The following RANBP2 variants were observed in gnomAD, a reference collection of about 807,000 sequenced individuals.
RANBP2 encodes the protein E3 SUMO-protein ligase RanBP2.
Under a neutral mutation model 303.6 loss-of-function variants are expected in RANBP2, and 57 were observed. The ratio of observed to expected loss-of-function variants is 0.19; its 90% CI spans 0.15 to 0.23. RANBP2 has a LOEUF of 0.23. Among genes scored for constraint, RANBP2 ranks in the 10% least tolerant of loss-of-function variants. The pLI, the probability that RANBP2 is intolerant of heterozygous loss-of-function variation, is 1.00. For missense variants in RANBP2, 3,138 were observed against 3,780.8 expected (o/e 0.83, Z 4.46); for synonymous variants, 1,167 against 1,301.5 (o/e 0.90, Z 2.23).
chr2:109,312,620 C>T, the RANBP2 span, among the ~76,000 whole-genome samples: 65 of 152,326 alleles, frequency 4.3e-4, no homozygotes, highest in African/African-American at 1.4e-3. Flanking sequence ...TAAGTGGAAT[C>T]ATCCGATACA....
the RANBP2 span, among the ~76,000 whole-genome samples, chr2:109,359,494 C>T: frequency 3.3e-5 from 5 of 152,254 alleles, no homozygotes; most frequent in African/African-American, 2.4e-5. Flanking sequence ...TATTTTGTTA[C>T]ACTTATACTT....
At chr2:109,471,662 C>T in the RANBP2 span, among the ~76,000 whole-genome samples, 3 of 152,192 alleles carry the variant, frequency 2.0e-5, no homozygotes, top group Non-Finnish European at 4.4e-5. Flanking sequence ...GCCACCTGCT[C>T]CAGGACACAT....
chr2:109,042,336 TC>T, the RANBP2 span, among the ~76,000 whole-genome samples: 1 of 152,240 alleles, frequency 6.6e-6, no homozygotes, highest in Non-Finnish European at 1.5e-5. Context: ...TGACTTTTTT[TC>T]CTGCAGTTTT....
chr2:108,824,580 G>T, the RANBP2 span, among the ~76,000 whole-genome samples: 1 of 152,088 alleles, frequency 6.6e-6, no homozygotes, highest in Non-Finnish European at 1.5e-5. Context: ...CCTGCCTGAG[G>T]CTGTTTTACA....
chr2:109,200,042 C>A, the RANBP2 span, among the ~76,000 whole-genome samples: 1 of 151,970 alleles, frequency 6.6e-6, no homozygotes, highest in Non-Finnish European at 1.5e-5. Flanking sequence ...GACAGCCCCC[C>A]ACAGAGAAAT....
At chr2:108,880,052 T>C in the RANBP2 span, among the ~76,000 whole-genome samples, 1 of 152,018 alleles carries the variant, frequency 6.6e-6, no homozygotes. Flanking sequence ...AGGCCAGACA[T>C]GATAAGAAAC....
At chr2:109,070,718 G>T in the RANBP2 span, among the ~76,000 whole-genome samples, 5 of 152,198 alleles carry the variant, frequency 3.3e-5, no homozygotes, top group East Asian at 7.7e-4. Context: ...TATTAGGCGG[G>T]TGTGATGGTG....
At chr2:108,725,691 A>G (rs1694642886) in intron 1 of RANBP2, among the ~76,000 whole-genome samples, 1 of 152,056 alleles carries the variant, frequency 6.6e-6, no homozygotes, top group African/African-American at 2.4e-5. Context: ...AGATCGAGCC[A>G]CTGCACTGCA....
At chr2:109,697,357 T>C in the RANBP2 span, among the ~76,000 whole-genome samples, 6 of 152,120 alleles carry the variant, frequency 3.9e-5, no homozygotes, top group African/African-American at 1.4e-4. Flanking sequence ...TGGTGGCACA[T>C]GCCTGTAATC....
the RANBP2 span, among the ~76,000 whole-genome samples, chr2:109,073,005 A>G: frequency 6.6e-6 from 1 of 152,174 alleles, no homozygotes; most frequent in Admixed American, 6.5e-5. Context: ...ATGTGCAGAA[A>G]CCAACACAGA....
the RANBP2 span, among the ~76,000 whole-genome samples, chr2:108,913,532 G>A: frequency 6.6e-6 from 1 of 152,094 alleles, no homozygotes; most frequent in Non-Finnish European, 1.5e-5. Context: ...GGAAAAGGGG[G>A]CCAGGCATGG....
At chr2:108,919,709 G>C in the RANBP2 span, among the ~76,000 whole-genome samples, 4 of 152,152 alleles carry the variant, frequency 2.6e-5, no homozygotes, top group African/African-American at 7.2e-5. Flanking sequence ...CCAGGCTCTG[G>C]GGTGCCTTCT....
At chr2:109,181,238 A>G in the RANBP2 span, among the ~76,000 whole-genome samples, 1 of 152,150 alleles carries the variant, frequency 6.6e-6, no homozygotes, top group African/African-American at 2.4e-5. Flanking sequence ...AGAAAACAGA[A>G]CAGAGGATTC....
chr2:109,460,254 T>G, the RANBP2 span, among the ~76,000 whole-genome samples: 1 of 152,096 alleles, frequency 6.6e-6, no homozygotes, highest in Non-Finnish European at 1.5e-5. Context: ...CAAATCCATA[T>G]CTAGAGTGAA....
chr2:109,474,989 G>GT, the RANBP2 span, among the ~76,000 whole-genome samples: 2 of 151,174 alleles, frequency 1.3e-5, no homozygotes, highest in South Asian at 2.1e-4. Flanking sequence ...TTGTTTGTTT[G>GT]TTTTTTTGAG....
the RANBP2 span, among the ~76,000 whole-genome samples, chr2:109,694,690 C>CATTT: frequency 6.6e-6 from 1 of 152,014 alleles, no homozygotes; most frequent in Admixed American, 6.6e-5. Context: ...CTCCAATGAG[C>CATTT]ATTTCCTTTC....
the RANBP2 span, among the ~76,000 whole-genome samples, chr2:109,090,035 C>A: frequency 1.1e-4 from 16 of 152,156 alleles, no homozygotes; most frequent in African/African-American, 3.6e-4. Flanking sequence ...CTGTTGCCCT[C>A]TCATAATAAG....
the RANBP2 span, among the ~76,000 whole-genome samples, chr2:109,587,455 G>C: frequency 6.6e-6 from 1 of 151,854 alleles, no homozygotes; most frequent in African/African-American, 2.4e-5. Flanking sequence ...GAAAGTGGGG[G>C]GTAGGAGGGA....
chr2:108,859,850 T>C, the RANBP2 span, among the ~76,000 whole-genome samples: 3 of 152,160 alleles, frequency 2.0e-5, no homozygotes, highest in African/African-American at 7.2e-5. Flanking sequence ...ATAATGTTGG[T>C]AATTTGATAG....
Sources: gnomAD v4.1 joint callset for allele counts (sites outside exome capture counted in the v4.1 genomes callset) on GRCh38, gnomAD v4.1.1 for gene constraint, MANE v1.5 for transcripts, NCBI Gene and HGNC (gene_info 2026-07-23, HGNC 2026-07-21) for gene names.